EYS: variants seen among roughly 807,000 people sequenced by gnomAD.
EYS encodes protein eyes shut homolog.
EYS carries 250 observed loss-of-function variants against 282.1 expected under a neutral mutation model. The observed-to-expected ratio is 0.89, with a 90% CI of 0.80 to 0.98. EYS has a LOEUF of 0.98. Among genes scored for constraint, EYS ranks in the 50% least tolerant of loss-of-function variants. EYS has a pLI of 0.00. For missense variants in EYS, 4,016 were observed against 3,709.0 expected, an observed-to-expected ratio of 1.08 and a Z score of -2.15; for synonymous variants, 1,355 against 1,282.9, an observed-to-expected ratio of 1.06 and a Z score of -1.20.
At chr6:63,900,504 A>C (rs2149730886) in intron 35 of EYS, among the ~76,000 whole-genome samples, 1 of 152,334 alleles carries the variant, frequency 6.6e-6, no homozygotes, top group Middle Eastern at 3.4e-3. Context: ...TTAAGGATTG[A>C]GGCTGTGCAC....
chr6:63,720,616 C>A lies in EYS; in HGVS notation c.9415G>T (p.Glu3139Ter), dbSNP rs1452976947. ...TTAACTTATGTAACCTCATTTTGTT[C>A]ATCTCCATCATAAACATTGTATCCT... ...LEGYNVYDGD[E>*]QNEVT The change falls in exon 43 of 43, where the codon GAA (glutamate) becomes TAA (stop). Residue 3139 changes from glutamate (E) to a stop codon, truncating the protein, a stop_gained. Coordinates refer to ENST00000503581, the MANE Select transcript of EYS (RefSeq NM_001142800.2). LOFTEE classifies it high-confidence loss of function. 17 of 1,490,468 alleles carry A rather than the reference C, an allele frequency of 1.1e-5. No homozygotes were observed. Among genetic ancestry groups the A allele is most frequent in the Non-Finnish European group, 1.5e-5 (17 of 1,117,884 alleles). 92.3% of individuals were successfully genotyped at this position (1,490,468 alleles called of 1,614,324 possible).
intron 29 of EYS, among the ~76,000 whole-genome samples, chr6:64,309,961 GA>G (rs11359232): frequency 0.67 from 88,308 of 132,280 alleles, 28,191 homozygotes; most frequent in Non-Finnish European, 0.71. Flanking sequence ...AAGACTCCAT[GA>G]AAAAAAAAAA....
intron 19 of EYS, among the ~76,000 whole-genome samples, chr6:64,852,030 TG>T (rs1396928057): frequency 1.3e-5 from 2 of 152,120 alleles, no homozygotes; most frequent in African/African-American, 4.8e-5. Context: ...ATATTGCTTG[TG>T]GAAAGATCAT....
chr6:65,397,593 TGTGTGTGTG>T (rs1346908667), intron 7 of EYS, among the ~76,000 whole-genome samples: 1 of 104,894 alleles, frequency 9.5e-6, no homozygotes, highest in Admixed American at 8.6e-5. Context: ...GGTGTGTGTG[TGTGTGTGTG>T]TGTGTGTGTG....
chr6:64,803,968 C>T (rs778299357), intron 22 of EYS, among the ~76,000 whole-genome samples: 10 of 152,120 alleles, frequency 6.6e-5, no homozygotes, highest in Admixed American at 3.3e-4. Context: ...GCTGCAGCTG[C>T]GCCCGGGAGG....
chr6:64,739,751 G>A (rs1444353864), intron 22 of EYS, among the ~76,000 whole-genome samples: 2 of 151,946 alleles, frequency 1.3e-5, no homozygotes, highest in African/African-American at 4.8e-5. Flanking sequence ...AAACAATACC[G>A]ACATTCCTTC....
rs1347799632 is a variant in EYS at position 65,668,538 on chromosome 6, C to G, written c.-447-28646G>C. Among the ~76,000 whole-genome samples the G allele has an allele frequency of 8.6e-5, 13 of 151,676 alleles. 1 individual carries two copies. The highest frequency in any genetic ancestry group is 8.5e-4 in the Admixed American group (13 of 15,210). On this transcript the variant is annotated intron_variant, in intron 1 of 42. Coordinates refer to ENST00000503581, the MANE Select transcript of EYS (RefSeq NM_001142800.2). ...ATTGCAACAGAGACTGTACAGCCAA[C>G]AAAACAAAAAAATATGTATTATCTG...
At chr6:65,476,815 T>C (rs1765425793) in intron 5 of EYS, among the ~76,000 whole-genome samples, 2 of 152,256 alleles carry the variant, frequency 1.3e-5, no homozygotes, top group East Asian at 1.9e-4. Flanking sequence ...GACCTTGTGA[T>C]CCACTGGCCT....
intron 13 of EYS, among the ~76,000 whole-genome samples, chr6:65,055,494 A>G (rs923004940): frequency 6.6e-6 from 1 of 152,026 alleles, no homozygotes; most frequent in Non-Finnish European, 1.5e-5. Context: ...GTTATTAACT[A>G]ATGTCTGTAC....
intron 35 of EYS, among the ~76,000 whole-genome samples, chr6:63,941,954 A>G (rs1001685496): frequency 1.3e-5 from 2 of 152,220 alleles, no homozygotes; most frequent in African/African-American, 4.8e-5. Context: ...ACTGTTTTTT[A>G]AAGTTCTTTT....
chr6:64,846,325 G>A (rs1765712548), intron 19 of EYS, among the ~76,000 whole-genome samples: 1 of 152,056 alleles, frequency 6.6e-6, no homozygotes, highest in South Asian at 2.1e-4. Flanking sequence ...CATAGTTCTG[G>A]TTATTCCTAG....
intron 26 of EYS, among the ~76,000 whole-genome samples, chr6:64,472,657 G>A (rs1465667025): frequency 2.0e-5 from 3 of 152,066 alleles, no homozygotes; most frequent in Non-Finnish European, 2.9e-5. Context: ...TACCTCAATA[G>A]AAGGAATTTA....
At chr6:64,648,846 C>A (rs374700844) in intron 22 of EYS, among the ~76,000 whole-genome samples, 1 of 152,000 alleles carries the variant, frequency 6.6e-6, no homozygotes, top group East Asian at 1.9e-4. Flanking sequence ...TGTGGATTAG[C>A]AAATTGTTTT....
intron 7 of EYS, among the ~76,000 whole-genome samples, chr6:65,395,942 TAC>T (rs1766264211): frequency 6.6e-6 from 1 of 152,332 alleles, no homozygotes; most frequent in East Asian, 1.9e-4. Context: ...AGTTAGATGA[TAC>T]AGTGTTTGTC....
chr6:65,627,901 C>T (rs1246793445), intron 2 of EYS, among the ~76,000 whole-genome samples: 1 of 152,244 alleles, frequency 6.6e-6, no homozygotes, highest in Non-Finnish European at 1.5e-5. Context: ...CCAGTCCCAT[C>T]GACCACCCAA....
At chr6:64,678,561 G>A (rs569559707) in intron 22 of EYS, among the ~76,000 whole-genome samples, 1 of 152,284 alleles carries the variant, frequency 6.6e-6, no homozygotes, top group Admixed American at 6.5e-5. Flanking sequence ...CTGGGCAACA[G>A]AGCGAGACTC....
chr6:64,992,122 C>T (rs1383872356), intron 14 of EYS, among the ~76,000 whole-genome samples: 2 of 151,746 alleles, frequency 1.3e-5, no homozygotes, highest in African/African-American at 4.8e-5. Context: ...GAGTCCAGCT[C>T]CTACATTTTA....
At chr6:64,204,294 G>A (rs954212608) in intron 31 of EYS, among the ~76,000 whole-genome samples, 14 of 152,198 alleles carry the variant, frequency 9.2e-5, no homozygotes, top group African/African-American at 3.1e-4. Flanking sequence ...CAATCACTTC[G>A]AAAGAAGATC....
intron 8 of EYS, among the ~76,000 whole-genome samples, chr6:65,363,244 A>G (rs921501133): frequency 5.3e-5 from 8 of 152,040 alleles, no homozygotes; most frequent in Non-Finnish European, 1.0e-4. Context: ...AGGCTACATA[A>G]CATCTATTTA....
Sources: gnomAD v4.1 joint callset for allele counts (sites outside exome capture counted in the v4.1 genomes callset) on GRCh38, gnomAD v4.1.1 for gene constraint, MANE v1.5 for transcripts, NCBI Gene and HGNC (gene_info 2026-07-23, HGNC 2026-07-21) for gene names.